Variants in UMAD1 observed in about 807,000 individuals in gnomAD.
UMAD1 encodes UBAP1-MVB12-associated (UMA)-domain containing protein 1.
In UMAD1, 8 loss-of-function variants were observed where a neutral mutation model predicts 6.1. The observed-to-expected ratio is 1.30, with a 90% confidence interval of 0.76 to 2.35. The LOEUF is 2.35. Ranked by LOEUF, UMAD1 falls within the 30% of genes most tolerant of loss-of-function variation. The probability of loss-of-function intolerance (pLI) is 0.00; values close to 1 mark genes in which losing one functional copy is unlikely to be tolerated. For missense variants in UMAD1, 130 were observed against 78.4 expected, an observed-to-expected ratio of 1.66 and a Z score of -2.49; for synonymous variants, 56 against 31.4, an observed-to-expected ratio of 1.78 and a Z score of -2.61.
chr7:7,646,429 A>G (rs944262976), intron 1 of UMAD1, among the ~76,000 whole-genome samples: 3 of 151,088 alleles, frequency 2.0e-5, no homozygotes, highest in Non-Finnish European at 2.9e-5. Flanking sequence ...GTGGTAGTGA[A>G]TAAGTCTCAC....
At chr7:7,822,948 G>A (rs980828818) in intron 3 of UMAD1, among the ~76,000 whole-genome samples, 1 of 151,710 alleles carries the variant, frequency 6.6e-6, no homozygotes, top group African/African-American at 2.4e-5. Context: ...TGGGCTGTTT[G>A]CTTTTCAGAA....
intron 2 of UMAD1, among the ~76,000 whole-genome samples, chr7:7,703,722 T>G (rs778543713): frequency 6.6e-6 from 1 of 152,146 alleles, no homozygotes; most frequent in Non-Finnish European, 1.5e-5. Context: ...GGCAGATCGC[T>G]TGAGCCCAGG....
At chr7:7,817,115 A>C (rs145220815) in intron 3 of UMAD1, among the ~76,000 whole-genome samples, 1 of 152,134 alleles carries the variant, frequency 6.6e-6, no homozygotes, top group African/African-American at 2.4e-5. Context: ...AAGTTTGTGC[A>C]ATTTCTGTCA....
chr7:7,871,824 C>T (rs184900107), intron 3 of UMAD1, among the ~76,000 whole-genome samples: 1 of 147,116 alleles, frequency 6.8e-6, no homozygotes, highest in Admixed American at 6.9e-5. Flanking sequence ...GAATTACGTT[C>T]TCACAAATAA....
At chr7:7,756,586 G>A (rs574727400) in intron 2 of UMAD1, among the ~76,000 whole-genome samples, 11 of 152,228 alleles carry the variant, frequency 7.2e-5, no homozygotes, top group African/African-American at 2.6e-4. Flanking sequence ...CCCTTACTCT[G>A]TTCTTTCATG....
intron 2 of UMAD1, among the ~76,000 whole-genome samples, chr7:7,713,102 G>T (rs530791216): frequency 6.6e-6 from 1 of 152,132 alleles, no homozygotes; most frequent in East Asian, 1.9e-4. Flanking sequence ...ACATTGGGAG[G>T]CTAAGGCAGG....
chr7:7,877,673 TC>T lies in UMAD1; in HGVS notation c.*136del, dbSNP rs1784449589. On this transcript the variant is annotated 3_prime_UTR_variant, in exon 4 of 4. Transcript: ENST00000682710. ...TAAAGCAAAGAAAATAGCATTATGTTCACTACTCTATTTTTAAGAAAAAGGT... is the reference window on the plus strand; with the variant it reads ...TAAAGCAAAGAAAATAGCATTATGTTACTACTCTATTTTTAAGAAAAAGGT... 3 of 601,560 alleles carry T rather than the reference TC, an allele frequency of 5.0e-6. No homozygotes were observed. Among genetic ancestry groups the T allele is most frequent in the East Asian group, 5.5e-5 (2 of 36,292 alleles). 37.3% of individuals were successfully genotyped at this position (601,560 alleles called of 1,614,324 possible).
At chr7:7,770,709 G>A (rs545322330) in intron 2 of UMAD1, among the ~76,000 whole-genome samples, 99 of 152,156 alleles carry the variant, frequency 6.5e-4, no homozygotes, top group African/African-American at 2.2e-3. Context: ...AATTGAGAAA[G>A]TACAGAATGA....
chr7:7,675,975 A>G (rs1289865016), intron 2 of UMAD1: 2 of 393,334 alleles, frequency 5.1e-6, no homozygotes, highest in Non-Finnish European at 9.0e-6. Flanking sequence ...TCCTCTGTAC[A>G]TAGTCTTCTG....
chr7:7,660,901 A>T (rs1336814949), intron 1 of UMAD1, among the ~76,000 whole-genome samples: 1 of 152,202 alleles, frequency 6.6e-6, no homozygotes, highest in African/African-American at 2.4e-5. Context: ...AGTGTTTTCC[A>T]ACTTGGTTCT....
At chr7:7,662,090 G>A (rs533678463) in intron 1 of UMAD1, among the ~76,000 whole-genome samples, 116 of 152,246 alleles carry the variant, frequency 7.6e-4, no homozygotes, top group African/African-American at 2.6e-3. Flanking sequence ...GATCTTTCCC[G>A]GCATCTTTGT....
intron 2 of UMAD1, among the ~76,000 whole-genome samples, chr7:7,735,301 G>A (rs1321583441): frequency 1.3e-5 from 2 of 152,140 alleles, no homozygotes; most frequent in Non-Finnish European, 2.9e-5. Context: ...GGTACAATAT[G>A]TGCAGATACA....
intron 3 of UMAD1, among the ~76,000 whole-genome samples, chr7:7,816,333 T>C (rs62432852): frequency 0.076 from 11,517 of 152,294 alleles, 587 homozygotes; most frequent in Non-Finnish European, 0.11. Flanking sequence ...TGCTTCTCTT[T>C]TCCGTAGTGC....
chr7:7,774,697 C>T (rs1013489047), intron 2 of UMAD1, among the ~76,000 whole-genome samples: 9 of 152,174 alleles, frequency 5.9e-5, no homozygotes, highest in Admixed American at 4.6e-4. Flanking sequence ...CTACTTATCT[C>T]TGTTTGATTC....
intron 2 of UMAD1, among the ~76,000 whole-genome samples, chr7:7,685,249 T>A (rs1179330923): frequency 1.3e-5 from 2 of 152,140 alleles, no homozygotes; most frequent in Non-Finnish European, 2.9e-5. Flanking sequence ...CTGTTTTTTT[T>A]ATTCATTGCA....
intron 2 of UMAD1, among the ~76,000 whole-genome samples, chr7:7,682,082 T>C (rs980062888): frequency 6.6e-6 from 1 of 152,148 alleles, no homozygotes; most frequent in Non-Finnish European, 1.5e-5. Context: ...GCAAACACTA[T>C]TGTAGAGATT....
At chr7:7,792,987 A>G (rs544848632) in intron 2 of UMAD1, among the ~76,000 whole-genome samples, 5 of 152,074 alleles carry the variant, frequency 3.3e-5, no homozygotes, top group African/African-American at 7.2e-5. Context: ...ACCTCTTACT[A>G]CCAACACACT....
chr7:7,763,985 A>G (rs927022867), intron 2 of UMAD1, among the ~76,000 whole-genome samples: 1 of 152,250 alleles, frequency 6.6e-6, no homozygotes, highest in Admixed American at 6.5e-5. Context: ...GAAGATACCA[A>G]AAAGGTTTAG....
At position 7,651,875 on chromosome 7, in the gene UMAD1, A is replaced by G. The variant is rs543454771; in HGVS notation, c.-64+11054A>G. ...TCAACCTTCTTTCTTTCTTCTGCTC[A>G]GAGTTTTTCCTGTCTTGTACTCTGT... On this transcript the variant is annotated intron_variant, in intron 1 of 3. Coordinates refer to ENST00000682710, the MANE Select transcript of UMAD1 (RefSeq NM_001302348.2). Among the ~76,000 whole-genome samples the G allele has an allele frequency of 4.6e-5, 7 of 152,330 alleles. No homozygotes were observed. In the South Asian group the frequency reaches 1.0e-3, roughly 23 times the overall value.
Sources: allele counts gnomAD v4.1 joint callset (sites outside exome capture counted in the v4.1 genomes callset), GRCh38; gene constraint gnomAD v4.1.1; transcripts MANE v1.5; gene names NCBI Gene and HGNC (gene_info 2026-07-23, HGNC 2026-07-21).